FHOD3: variants seen among roughly 807,000 people sequenced by gnomAD.
FHOD3 encodes the protein formin homology 2 domain containing 3.
FHOD3 carries 90 observed loss-of-function variants against 173.0 expected under a neutral mutation model. The ratio of observed to expected loss-of-function variants is 0.52; its 90% CI spans 0.44 to 0.62. The LOEUF (loss-of-function observed/expected upper bound fraction) is 0.62, where lower values mean the gene tolerates loss of function less well. FHOD3 is among the 20% of genes least tolerant of loss of function. FHOD3 has a pLI of 0.00. For synonymous variants in FHOD3, 828 were observed against 823.0 expected, an observed-to-expected ratio of 1.01 and a Z score of -0.10; for missense variants, 1,945 against 2,034.7, an observed-to-expected ratio of 0.96 and a Z score of 0.85.
intron 3 of FHOD3, among the ~76,000 whole-genome samples, chr18:36,455,660 A>T (rs1599191787): frequency 6.6e-6 from 1 of 151,924 alleles, no homozygotes; most frequent in Admixed American, 6.6e-5. Context: ...TTCAAAAAAA[A>T]TAGTTAAAAA....
chr18:36,322,734 T>G (rs2044463486), intron 1 of FHOD3, among the ~76,000 whole-genome samples: 2 of 152,210 alleles, frequency 1.3e-5, no homozygotes, highest in Non-Finnish European at 2.9e-5. Flanking sequence ...CTACCTGCTG[T>G]CCACCTTAGC....
At chr18:36,316,507 C>CTA (rs1264999768) in intron 1 of FHOD3, among the ~76,000 whole-genome samples, 1 of 152,194 alleles carries the variant, frequency 6.6e-6, no homozygotes, top group Non-Finnish European at 1.5e-5. Context: ...TTTGAGCTGT[C>CTA]TATATATATT....
chr18:36,594,000 G>A (rs889008767), intron 6 of FHOD3, among the ~76,000 whole-genome samples: 7 of 152,178 alleles, frequency 4.6e-5, no homozygotes, highest in African/African-American at 1.7e-4. Flanking sequence ...AAAATTGTGG[G>A]CAAGTCCCTG....
intron 22 of FHOD3, 124 bp downstream of exon 22, chr18:36,742,980 T>G: frequency 7.3e-7 from 1 of 1,362,012 alleles, no homozygotes; most frequent in South Asian, 1.4e-5. Flanking sequence ...CTTTTGTGTC[T>G]TCTTGCTGAA....
chr18:36,397,596 A>G (rs1000050004), intron 3 of FHOD3, among the ~76,000 whole-genome samples: 4 of 152,180 alleles, frequency 2.6e-5, no homozygotes, highest in African/African-American at 9.7e-5. Flanking sequence ...TAGAGATTCA[A>G]ATAGTATGTC....
At chr18:36,726,675 T>G in intron 19 of FHOD3, among the ~76,000 whole-genome samples, 1 of 152,162 alleles carries the variant, frequency 6.6e-6, no homozygotes, top group East Asian at 1.9e-4. Flanking sequence ...GCCTCTTTTT[T>G]TTCTTTTCTT....
chr18:36,331,078 C>G (rs2044981003), intron 1 of FHOD3, among the ~76,000 whole-genome samples: 1 of 152,162 alleles, frequency 6.6e-6, no homozygotes, highest in African/African-American at 2.4e-5. Flanking sequence ...TTTGCTTGTT[C>G]TGATTTCCTC....
chr18:36,594,644 T>C, intron 6 of FHOD3, 143 bp from the exon 7 acceptor site: 2 of 609,050 alleles, frequency 3.3e-6, no homozygotes, highest in Admixed American at 5.7e-5. Flanking sequence ...AATGAGGGAT[T>C]GTGAGGATCT....
At chr18:36,420,031 CACTTGATTA>C (rs1035556263) in intron 3 of FHOD3, among the ~76,000 whole-genome samples, 4 of 152,310 alleles carry the variant, frequency 2.6e-5, no homozygotes, top group African/African-American at 9.6e-5. Context: ...TGCTAAGTTA[CACTTGATTA>C]ACTTTTCTGT....
rs376998234 is a variant in FHOD3, at chr18:36,366,148, A to C, written c.273-6532A>C. Among the ~76,000 whole-genome samples, 152 of 152,316 alleles carry C rather than the reference A, an allele frequency of 1.0e-3. No homozygotes were observed. In the Middle Eastern group the frequency reaches 0.02, roughly 20 times the overall value. ...TCCCTTGAGAAAATTAAAATGCTAC[A>C]TCATGGGAACTTTAATGAAGAACAG... On this transcript the variant is annotated intron_variant, in intron 2 of 28. Coordinates refer to ENST00000590592, the MANE Select transcript of FHOD3 (RefSeq NM_001281740.3).
At chr18:36,512,070 C>A (rs1292300137) in intron 4 of FHOD3, among the ~76,000 whole-genome samples, 1 of 152,220 alleles carries the variant, frequency 6.6e-6, no homozygotes, top group Non-Finnish European at 1.5e-5. Context: ...TCAAATGTTT[C>A]CTGCAGTAGA....
chr18:36,465,726 G>C lies in FHOD3; in HGVS notation c.338-36206G>C, dbSNP rs553375889. 7.2e-5 allele frequency among the ~76,000 whole-genome samples: 11 copies of C among 152,210 alleles called. No homozygotes were observed. The East Asian group carries it at 1.7e-3, about 24-fold the overall frequency. ...GGACCAAGCCTATTGATTGATACTA[G>C]ATTTCTGAAATGCTGTGTTTAGGGT... On this transcript the variant is annotated intron_variant, in intron 3 of 28. Coordinates refer to ENST00000590592, the MANE Select transcript of FHOD3 (RefSeq NM_001281740.3).
chr18:36,407,786 T>C (rs767589979), intron 3 of FHOD3, among the ~76,000 whole-genome samples: 4 of 152,226 alleles, frequency 2.6e-5, no homozygotes, highest in Non-Finnish European at 5.9e-5. Context: ...TGTCAGTCAG[T>C]GGTTGGGACT....
chr18:36,359,233 G>A (rs2046498625), intron 2 of FHOD3, among the ~76,000 whole-genome samples: 2 of 152,190 alleles, frequency 1.3e-5, no homozygotes, highest in Non-Finnish European at 2.9e-5. Context: ...CATGTGTTCT[G>A]AGTTTCCTTG....
At chr18:36,301,921 G>A (rs377655720) in intron 1 of FHOD3, among the ~76,000 whole-genome samples, 4 of 152,322 alleles carry the variant, frequency 2.6e-5, no homozygotes, top group East Asian at 3.9e-4. Flanking sequence ...TGGACAGAGT[G>A]GAGTTATAAT....
chr18:36,509,710 G>T lies in FHOD3; in HGVS notation c.406-2728G>T, dbSNP rs186921271. On this transcript the variant is annotated intron_variant, in intron 4 of 28. Transcript: ENST00000590592. ...CACCTGGGGTTCACTAGATTATTCC[G>T]TTGTCTTTTGTATATGTTTAAAGTT... 5.6e-3 allele frequency among the ~76,000 whole-genome samples: 852 copies of T among 152,188 alleles called. 6 individuals are homozygous for T. The highest frequency in any genetic ancestry group is 6.7e-3 in the Admixed American group (102 of 15,288).
chr18:36,633,124 C>T (rs1347119820), intron 10 of FHOD3, among the ~76,000 whole-genome samples: 1 of 152,230 alleles, frequency 6.6e-6, no homozygotes, highest in Non-Finnish European at 1.5e-5. Context: ...AAGTTGTGTG[C>T]ATGCTCACTT....
chr18:36,523,290 G>T (rs899493074), intron 5 of FHOD3, among the ~76,000 whole-genome samples: 1 of 152,202 alleles, frequency 6.6e-6, no homozygotes, highest in Admixed American at 6.5e-5. Context: ...TTTAGAGGAG[G>T]GGCAAAATTG....
intron 5 of FHOD3, among the ~76,000 whole-genome samples, chr18:36,535,777 AT>A (rs1224891944): frequency 2.6e-5 from 4 of 152,076 alleles, no homozygotes; most frequent in Non-Finnish European, 4.4e-5. Context: ...AATTCAATAA[AT>A]TTTTTTGCCA....
Sources: allele counts gnomAD v4.1 joint callset (sites outside exome capture counted in the v4.1 genomes callset), GRCh38; gene constraint gnomAD v4.1.1; transcripts MANE v1.5; gene names NCBI Gene and HGNC (gene_info 2026-07-23, HGNC 2026-07-21).